Variants in NOL8 observed in about 807,000 individuals in gnomAD.
NOL8 encodes the protein nucleolar protein Nop132.
A neutral mutation model predicts 116.1 loss-of-function variants in NOL8; 93 were observed. The ratio of observed to expected loss-of-function variants is 0.80; its 90% CI spans 0.68 to 0.95. The LOEUF is 0.95. Among genes scored for constraint, NOL8 ranks in the 40% least tolerant of loss-of-function variants. The pLI is 0.00. For missense variants in NOL8, 1,291 were observed against 1,382.8 expected (o/e 0.93, Z 1.05); for synonymous variants, 419 against 469.0 (o/e 0.89, Z 1.38).
At position 92,314,560 on chromosome 9, in the gene NOL8, G is replaced by A. The variant is rs1839181916; in HGVS notation, c.2065C>T (p.His689Tyr). 2 of 1,613,240 alleles carry A rather than the reference G, an allele frequency of 1.2e-6. No homozygotes were observed. The change falls in exon 7 of 17, where the codon CAC becomes TAC. Residue 689 changes from histidine (H) to tyrosine (Y), a missense_variant. By Grantham distance (83) the His-to-Tyr change is moderately conservative. Coordinates refer to ENST00000442668, the MANE Select transcript of NOL8 (RefSeq NM_017948.6). ...KKSLSLSAKT[H>Y]NIGFDKDSCH... ...CTGTCTTTGTCAAAGCCTATGTTGT[G>A]AGTCTTTGCACTAAGACTTAAGGAC...
At position 92,311,285 on chromosome 9, in the gene NOL8, A is replaced by G. The variant is rs199677995; in HGVS notation, c.2359-26T>C. 28 of 1,555,056 alleles carry G rather than the reference A, an allele frequency of 1.8e-5. No homozygotes were observed. In the African/African-American group the frequency reaches 3.5e-4, roughly 20 times the overall value. ...CTAGGGAGGCCATCGAAAGCATTGC[A>G]TCTTAAAAAGATTTATGATGAAGAC... On this transcript the variant is annotated intron_variant, in intron 7 of 16. Transcript: ENST00000442668.
At chr9:92,306,792 A>C in intron 11 of NOL8, 94 bp downstream of exon 11, 1 of 1,213,246 alleles carries the variant, frequency 8.2e-7, no homozygotes. Context: ...CTGCCTCCCC[A>C]GGCCATTAAA....
At chr9:92,302,257 A>T (rs1234608395) in intron 12 of NOL8, among the ~76,000 whole-genome samples, 2 of 152,188 alleles carry the variant, frequency 1.3e-5, no homozygotes, top group Non-Finnish European at 2.9e-5. Context: ...CAGTTGTAGA[A>T]ATTAATTATA....
rs1840218863 is a variant in NOL8 at position 92,324,137 on chromosome 9, G to A, written c.25C>T (p.Arg9Cys). The A allele has an allele frequency of 6.2e-7, 1 of 1,613,736 alleles. No individual in the cohort carries two copies. The highest frequency in any genetic ancestry group is 8.5e-7 in the Non-Finnish European group (1 of 1,179,748). ...TGGCTAAGGCCACCCACATAAAGGC[G>A]CTTCGTTTCTCTGTTCACTTTCATG... MKVNRETKRLYVGGLSQDI... is the reference protein window; with the variant it reads MKVNRETKCLYVGGLSQDI... Residue 9 changes from arginine (R) to cysteine (C), a missense_variant, in exon 2 of 17, where the codon CGC becomes TGC. Physicochemically the swap from Arg to Cys is radical, Grantham distance 180. Coordinates refer to ENST00000442668, the MANE Select transcript of NOL8 (RefSeq NM_017948.6).
Position 92,319,449 on chromosome 9 carries a change from A to C in NOL8, c.282-93T>G, listed in dbSNP as rs1588002226. 3 of 1,333,620 alleles carry C rather than the reference A, an allele frequency of 2.2e-6. No homozygotes were observed. In the East Asian group the frequency reaches 8.7e-5, roughly 39 times the overall value. 82.6% of individuals were successfully genotyped at this position (1,333,620 alleles called of 1,614,324 possible). A position where few individuals can be genotyped will look rare whatever the true frequency, so the allele number is the denominator to read the frequency against. ...TTAGGTGTGCCTAAATGAGCACTAT[A>C]AACAGCTTTGTAGTATTAAAAACCA... On this transcript the variant is annotated intron_variant, in intron 4 of 16. Coordinates refer to ENST00000442668, the MANE Select transcript of NOL8 (RefSeq NM_017948.6).
At chr9:92,317,835 C>T (rs1194501056) in intron 6 of NOL8, among the ~76,000 whole-genome samples, 1 of 151,710 alleles carries the variant, frequency 6.6e-6, no homozygotes, top group Non-Finnish European at 1.5e-5. Flanking sequence ...GAGATCAAGA[C>T]CATCCTGGCC....
At chr9:92,300,929 T>A in intron 13 of NOL8, 1 of 903,886 alleles carries the variant, frequency 1.1e-6, no homozygotes, top group Non-Finnish European at 1.3e-6. Context: ...TGTATAGGTA[T>A]TACCTGCTTT....
chr9:92,303,386 C>G (rs543390843), intron 12 of NOL8, among the ~76,000 whole-genome samples: 1 of 152,102 alleles, frequency 6.6e-6, no homozygotes, highest in Non-Finnish European at 1.5e-5. Flanking sequence ...AAACAAACAT[C>G]ATTTCATGAA....
intron 2 of NOL8, 55 bp downstream of exon 2, chr9:92,323,968 C>A: frequency 6.3e-7 from 1 of 1,577,790 alleles, no homozygotes; most frequent in South Asian, 1.1e-5. Flanking sequence ...TATTTTCTAG[C>A]ACTTAACCTG....
chr9:92,297,781 C>A lies in NOL8; in HGVS notation c.*55G>T. 7.6e-7 allele frequency: 1 copy of A among 1,312,322 alleles called. No individual in the cohort carries two copies. Among genetic ancestry groups the A allele is most frequent in the South Asian group, 1.4e-5 (1 of 70,042 alleles). The allele number at this position is 1,312,322 out of a possible 1,614,324, so 81.3% of individuals were successfully genotyped here. A position where few individuals can be genotyped will look rare whatever the true frequency, so the allele number is the denominator to read the frequency against. The stretch of plus-strand genomic sequence containing the variant: ...TGTCAGCTAAAACTGTTTTCTGGGT[C>A]AGTTTCCTTAGGTGAGCCTTGTTCA... On this transcript the variant is annotated 3_prime_UTR_variant, in exon 17 of 17. Transcript: ENST00000442668.
At chr9:92,302,429 G>A (rs559135253) in intron 12 of NOL8, among the ~76,000 whole-genome samples, 31 of 151,978 alleles carry the variant, frequency 2.0e-4, no homozygotes, top group Non-Finnish European at 3.5e-4. Context: ...CTTTTTCCTC[G>A]AAGACCAGGC....
intron 12 of NOL8, among the ~76,000 whole-genome samples, chr9:92,302,036 T>G (rs565774626): frequency 1.3e-5 from 2 of 152,348 alleles, no homozygotes; most frequent in Admixed American, 6.5e-5. Flanking sequence ...TAAGCTTTTT[T>G]TACACAAATC....
chr9:92,312,840 A>AG (rs1453441140), intron 7 of NOL8, among the ~76,000 whole-genome samples: 6 of 150,416 alleles, frequency 4.0e-5, no homozygotes, highest in Non-Finnish European at 8.9e-5. Context: ...AAAAAAAAAA[A>AG]AAAAAAAAGA....
chr9:92,320,034 A>G (rs928845630), intron 4 of NOL8: 1 of 455,794 alleles, frequency 2.2e-6, no homozygotes, highest in Admixed American at 2.4e-5. Context: ...CTTTCAATTT[A>G]TATACGTTTG....
chr9:92,311,291 AAAAG>A, intron 7 of NOL8, 32 bp from the exon 8 acceptor site: 1 of 1,536,540 alleles, frequency 6.5e-7, no homozygotes, highest in Non-Finnish European at 9.0e-7. Flanking sequence ...TTGCATCTTA[AAAAG>A]ATTTATGATG....
chr9:92,308,164 G>A (rs1838445965), intron 10 of NOL8, among the ~76,000 whole-genome samples: 1 of 152,114 alleles, frequency 6.6e-6, no homozygotes, highest in Non-Finnish European at 1.5e-5. Context: ...TGAGGCAGGA[G>A]GATCACTTGA....
chr9:92,315,797 C>A lies in NOL8; in HGVS notation c.828G>T (p.Gln276His). ...KSSPVPVSDT[Q>H]KLKNLPFKTS... ...TCTTAAAAGGTAGATTTTTAAGTTT[C>A]TGAGTATCAGAAACAGGTACAGGAG... is the stretch of plus-strand genomic sequence containing the variant. Residue 276 changes from glutamine (Q) to histidine (H), a missense_variant, in exon 7 of 17, where the codon CAG becomes CAT. Gln to His is a conservative substitution (Grantham distance 24, BLOSUM62 0). Coordinates refer to ENST00000442668, the MANE Select transcript of NOL8 (RefSeq NM_017948.6). The A allele has an allele frequency of 6.2e-7, 1 of 1,613,742 alleles. No individual in the cohort carries two copies. The highest frequency in any genetic ancestry group is 1.3e-5 in the African/African-American group (1 of 74,966).
At chr9:92,312,686 G>A (rs1838929318) in intron 7 of NOL8, among the ~76,000 whole-genome samples, 1 of 151,252 alleles carries the variant, frequency 6.6e-6, no homozygotes, top group East Asian at 1.9e-4. Flanking sequence ...AATTAGCTGG[G>A]CGTGGTGGCA....
At chr9:92,307,121 T>C (rs142662081) in intron 10 of NOL8, 97 bp from the exon 11 acceptor site, 2 of 1,264,486 alleles carry the variant, frequency 1.6e-6, no homozygotes, top group African/African-American at 1.5e-5. Flanking sequence ...ATGTTCAAAA[T>C]CCATTAAGAC....
Sources: gnomAD v4.1 joint callset for allele counts (sites outside exome capture counted in the v4.1 genomes callset) on GRCh38, gnomAD v4.1.1 for gene constraint, MANE v1.5 for transcripts, NCBI Gene and HGNC (gene_info 2026-07-23, HGNC 2026-07-21) for gene names.